Variants in CRISPLD2 observed in about 807,000 individuals in gnomAD.
CRISPLD2 encodes cysteine-rich secretory protein LCCL domain-containing 2.
A neutral mutation model predicts 71.1 loss-of-function variants in CRISPLD2; 47 were observed. The ratio of observed to expected loss-of-function variants is 0.66; its 90% CI spans 0.52 to 0.84. The LOEUF is 0.84. Ranked by LOEUF, CRISPLD2 falls within the 40% of genes least tolerant of loss-of-function variation. The pLI is 0.00. For missense variants in CRISPLD2, 830 were observed against 651.1 expected (o/e 1.27, Z -2.99); for synonymous variants, 317 against 250.1 (o/e 1.27, Z -2.52).
At chr16:84,853,333 G>A (rs996529273) in intron 5 of CRISPLD2, among the ~76,000 whole-genome samples, 2 of 152,196 alleles carry the variant, frequency 1.3e-5, no homozygotes, top group Non-Finnish European at 2.9e-5. Context: ...GTTCTTTTTG[G>A]GGGAGTCATC....
At chr16:84,833,764 C>T (rs1345268653) in intron 1 of CRISPLD2, among the ~76,000 whole-genome samples, 2 of 152,094 alleles carry the variant, frequency 1.3e-5, no homozygotes, top group East Asian at 1.9e-4. Flanking sequence ...CACCATGATG[C>T]GAGGGTCTCC....
chr16:84,843,007 G>A (rs1368869079), intron 2 of CRISPLD2, among the ~76,000 whole-genome samples: 1 of 152,202 alleles, frequency 6.6e-6, no homozygotes, highest in African/African-American at 2.4e-5. Context: ...TTTCATGCAA[G>A]ACTTAGTGCC....
intron 14 of CRISPLD2, among the ~76,000 whole-genome samples, chr16:84,900,063 G>C (rs1488733560): frequency 6.6e-6 from 1 of 151,940 alleles, no homozygotes; most frequent in African/African-American, 2.4e-5. Flanking sequence ...GGGCCGCCAG[G>C]GTCACCCCAG....
intron 14 of CRISPLD2, among the ~76,000 whole-genome samples, chr16:84,891,612 C>A (rs1240177571): frequency 2.0e-5 from 3 of 150,534 alleles, no homozygotes; most frequent in Non-Finnish European, 2.9e-5. Flanking sequence ...TTATTGAGCT[C>A]TTTGTACCCT....
chr16:84,850,684 G>A lies in CRISPLD2; in HGVS notation c.608+1G>A, dbSNP rs1917064493. The A allele has an allele frequency of 6.2e-7, 1 of 1,611,502 alleles. No individual in the cohort carries two copies. Among genetic ancestry groups the A allele is most frequent in the Admixed American group, 1.7e-5 (1 of 60,006 alleles). Reference sequence around the variant, plus strand: ...ACTTTGTCTGCAATTATTCTCCAAAGTAAGACAAGTTGATGCCGTTGTATG... The same window carrying A: ...ACTTTGTCTGCAATTATTCTCCAAAATAAGACAAGTTGATGCCGTTGTATG... On this transcript the variant is annotated splice_donor_variant, in intron 5 of 14. Transcript: ENST00000262424. LOFTEE classifies it high-confidence loss of function.
chr16:84,835,182 C>T (rs2143162593), intron 1 of CRISPLD2, among the ~76,000 whole-genome samples: 1 of 152,226 alleles, frequency 6.6e-6, no homozygotes, highest in Admixed American at 6.5e-5. Flanking sequence ...CCTCCACCTC[C>T]CAGGTTCAAG....
intron 14 of CRISPLD2, among the ~76,000 whole-genome samples, chr16:84,896,842 G>A (rs2071710774): frequency 6.6e-6 from 1 of 152,150 alleles, no homozygotes; most frequent in Non-Finnish European, 1.5e-5. Context: ...CTTTTTAAAA[G>A]CCAGAAGACT....
intron 14 of CRISPLD2, among the ~76,000 whole-genome samples, chr16:84,903,426 T>C (rs1263715150): frequency 1.3e-5 from 2 of 151,986 alleles, no homozygotes; most frequent in East Asian, 3.9e-4. Flanking sequence ...ACCCCATCTC[T>C]ACAAAAAATA....
At position 84,854,752 on chromosome 16, in the gene CRISPLD2, C is replaced by G. The variant is rs1237935863; in HGVS notation, c.632C>G (p.Pro211Arg). ...AGGGGGAACTGGATTGGAGAAGCCC[C>G]CTACAAGAATGGCCGGCCCTGCTCT... is the stretch of plus-strand genomic sequence containing the variant. ...SPKGNWIGEA[P>R]YKNGRPCSEC... The change falls in exon 6 of 15, where the codon CCC becomes CGC. Residue 211 changes from proline (P) to arginine (R), a missense_variant. Coordinates refer to ENST00000262424, the MANE Select transcript of CRISPLD2 (RefSeq NM_031476.4). 7 of 1,614,092 alleles carry G rather than the reference C, an allele frequency of 4.3e-6. No individual in the cohort carries two copies. The highest frequency in any genetic ancestry group is 5.9e-6 in the Non-Finnish European group (7 of 1,179,972).
At position 84,907,112 on chromosome 16, in the gene CRISPLD2, TTAAAAA is replaced by T. The variant is rs1027661800; in HGVS notation, c.*477_*482del. The T allele has an allele frequency of 5.6e-6, 1 of 179,060 alleles. No homozygotes were observed. Among genetic ancestry groups the T allele is most frequent in the African/African-American group, 2.4e-5 (1 of 41,680 alleles). The allele number at this position is 179,060 out of a possible 1,614,324, so 11.1% of individuals were successfully genotyped here. On this transcript the variant is annotated 3_prime_UTR_variant, in exon 15 of 15. Transcript: ENST00000262424. Reference sequence around the variant, plus strand: ...CAGGAATGAAGTAGAAGGTAGTTATTTAAAAATAAAAAACACAGTCCGTCCCTACCA... The same window carrying T: ...CAGGAATGAAGTAGAAGGTAGTTATTTAAAAAACACAGTCCGTCCCTACCA...
chr16:84,834,814 C>T (rs1916575810), intron 1 of CRISPLD2, among the ~76,000 whole-genome samples: 3 of 152,024 alleles, frequency 2.0e-5, no homozygotes, highest in African/African-American at 4.8e-5. Context: ...CTCATGTGGT[C>T]GTCCTCTGCG....
At chr16:84,886,302 C>T (rs1003094625) in intron 13 of CRISPLD2, among the ~76,000 whole-genome samples, 1 of 152,238 alleles carries the variant, frequency 6.6e-6, no homozygotes, top group African/African-American at 2.4e-5. Context: ...TCCAGACAAA[C>T]TGTGCTTTTA....
At chr16:84,837,181 C>G (rs1916641575) in intron 1 of CRISPLD2, among the ~76,000 whole-genome samples, 1 of 152,234 alleles carries the variant, frequency 6.6e-6, no homozygotes, top group Non-Finnish European at 1.5e-5. Context: ...CAAGCCCTTC[C>G]TTGTCTTCTT....
chr16:84,844,002 C>A (rs897338303), intron 2 of CRISPLD2, among the ~76,000 whole-genome samples: 32 of 152,360 alleles, frequency 2.1e-4, no homozygotes, highest in African/African-American at 6.7e-4. Context: ...CTTCCCTGAG[C>A]ATCTGCTGTG....
intron 1 of CRISPLD2, among the ~76,000 whole-genome samples, chr16:84,823,225 C>T (rs4782660): frequency 0.77 from 117,430 of 152,170 alleles, 46,293 homozygotes; most frequent in African/African-American, 0.89. Flanking sequence ...TATTCCATTG[C>T]ATTAATAGAC....
rs762504435 is a variant in CRISPLD2 at position 84,850,431 on chromosome 16, T to A, written c.493-137T>A. The stretch of plus-strand genomic sequence containing the variant: ...AGAAAATGTATGTATCTTCAATGGG[T>A]TAGGGACTAATATCTGCTTCCCCAA... On this transcript the variant is annotated intron_variant, in intron 4 of 14. Coordinates refer to ENST00000262424, the MANE Select transcript of CRISPLD2 (RefSeq NM_031476.4). 83 of 685,682 alleles carry A rather than the reference T, an allele frequency of 1.2e-4. No individual in the cohort carries two copies. In the Middle Eastern group the frequency reaches 2.6e-3, roughly 22 times the overall value. 42.5% of individuals were successfully genotyped at this position (685,682 alleles called of 1,614,324 possible).
At chr16:84,867,917 C>G (rs1384000552) in intron 7 of CRISPLD2, among the ~76,000 whole-genome samples, 1 of 152,242 alleles carries the variant, frequency 6.6e-6, no homozygotes, top group Non-Finnish European at 1.5e-5. Flanking sequence ...TTCAGCTCCC[C>G]CCAGCCACTG....
intron 14 of CRISPLD2, among the ~76,000 whole-genome samples, chr16:84,895,381 G>A (rs1471994103): frequency 6.6e-6 from 1 of 152,148 alleles, no homozygotes; most frequent in African/African-American, 2.4e-5. Flanking sequence ...TGAATGCCAA[G>A]ATATACTTGT....
Position 84,866,927 on chromosome 16 carries a change from A to G in CRISPLD2, c.740A>G (p.Asp247Gly). Residue 247 changes from aspartate (D) to glycine (G), a missense_variant, in exon 7 of 15, where the codon GAC becomes GGC. Asp to Gly is a moderately conservative substitution (Grantham distance 94). Coordinates refer to ENST00000262424, the MANE Select transcript of CRISPLD2 (RefSeq NM_031476.4). Reference sequence around the variant, plus strand: ...ACCTACACTCCAAAACCTGAAACGGACGAGATGAATGAGGTGGAAACGGCT... The same window carrying G: ...ACCTACACTCCAAAACCTGAAACGGGCGAGATGAATGAGGTGGAAACGGCT... ...EETYTPKPET[D>G]EMNEVETAPI... 1 of 1,614,064 alleles carries G rather than the reference A, an allele frequency of 6.2e-7. No homozygotes were observed. The highest frequency in any genetic ancestry group is 8.5e-7 in the Non-Finnish European group (1 of 1,180,002).
Sources: allele counts gnomAD v4.1 joint callset (sites outside exome capture counted in the v4.1 genomes callset), GRCh38; gene constraint gnomAD v4.1.1; transcripts MANE v1.5; gene names NCBI Gene and HGNC (gene_info 2026-07-23, HGNC 2026-07-21).